The following CACNB2 variants were observed in gnomAD, a reference collection of about 807,000 sequenced individuals.
CACNB2 encodes the protein calcium voltage-gated channel auxiliary subunit beta 2.
A neutral mutation model predicts 73.3 loss-of-function variants in CACNB2; 42 were observed. The ratio of observed to expected loss-of-function variants is 0.57; its 90% CI spans 0.45 to 0.74. The LOEUF (loss-of-function observed/expected upper bound fraction) is 0.74, where lower values mean the gene tolerates loss of function less well. CACNB2 is among the 30% of genes least tolerant of loss of function. The probability of loss-of-function intolerance (pLI) is 0.00; values close to 1 mark genes in which losing one functional copy is unlikely to be tolerated. For missense variants in CACNB2, 940 were observed against 853.0 expected (o/e 1.10, Z -1.27); for synonymous variants, 348 against 310.3 (o/e 1.12, Z -1.28).
intron 3 of CACNB2, among the ~76,000 whole-genome samples, chr10:18,454,849 G>A (rs935807233): frequency 6.6e-6 from 1 of 152,068 alleles, no homozygotes; most frequent in African/African-American, 2.4e-5. Flanking sequence ...GGCCTGCCTG[G>A]GCAACATAGA....
chr10:18,467,971 GT>G (rs1003234311), intron 3 of CACNB2, among the ~76,000 whole-genome samples: 1 of 152,080 alleles, frequency 6.6e-6, no homozygotes, highest in African/African-American at 2.4e-5. Flanking sequence ...CCCAAAAAGT[GT>G]TTTTTTGTGA....
At chr10:18,243,514 T>C (rs1461160941) in intron 2 of CACNB2, among the ~76,000 whole-genome samples, 1 of 152,156 alleles carries the variant, frequency 6.6e-6, no homozygotes, top group African/African-American at 2.4e-5. Context: ...AAAACTCATG[T>C]TGAAATTTGA....
chr10:18,344,573 T>C (rs915897250), intron 2 of CACNB2, among the ~76,000 whole-genome samples: 1 of 152,046 alleles, frequency 6.6e-6, no homozygotes, highest in African/African-American at 2.4e-5. Flanking sequence ...GGTTTCACCA[T>C]GTTGGTCAGG....
rs942130254 is a variant in CACNB2 at position 18,261,331 on chromosome 10, G to T, written c.213+110356G>T. 3.2e-5 allele frequency: 49 copies of T among 1,551,596 alleles called. No homozygotes were observed. Among genetic ancestry groups the T allele is most frequent in the Non-Finnish European group, 4.3e-5 (49 of 1,146,972 alleles). ...CGGGTGTCCTATGTAAGTTTCTATTGCTGTAGAATTGCAGCTGGGAGCTGA... is the reference window on the plus strand; with the variant it reads ...CGGGTGTCCTATGTAAGTTTCTATTTCTGTAGAATTGCAGCTGGGAGCTGA... On this transcript the variant is annotated intron_variant, in intron 2 of 13. Coordinates refer to ENST00000324631, the MANE Select transcript of CACNB2 (RefSeq NM_201596.3).
At chr10:18,294,906 C>T (rs1238023547) in intron 2 of CACNB2, among the ~76,000 whole-genome samples, 1 of 152,176 alleles carries the variant, frequency 6.6e-6, no homozygotes, top group Non-Finnish European at 1.5e-5. Context: ...CATGTAGGAA[C>T]TTCGTAAGAA....
At chr10:18,222,755 G>A (rs1202928622) in intron 2 of CACNB2, among the ~76,000 whole-genome samples, 1 of 152,064 alleles carries the variant, frequency 6.6e-6, no homozygotes, top group Non-Finnish European at 1.5e-5. Context: ...TGGCCAACAT[G>A]GTAAAACCCT....
chr10:18,268,464 T>C (rs1185983484), intron 2 of CACNB2, among the ~76,000 whole-genome samples: 1 of 152,228 alleles, frequency 6.6e-6, no homozygotes, highest in African/African-American at 2.4e-5. Context: ...TAGATTTGTA[T>C]AGACTTACGT....
At chr10:18,145,176 T>C (rs1288311664) in intron 1 of CACNB2, among the ~76,000 whole-genome samples, 1 of 152,250 alleles carries the variant, frequency 6.6e-6, no homozygotes, top group Admixed American at 6.5e-5. Context: ...GTTGTGGTAA[T>C]ACAGCCTGGT....
chr10:18,497,495 C>G (rs1480677248), intron 3 of CACNB2, among the ~76,000 whole-genome samples: 1 of 152,122 alleles, frequency 6.6e-6, no homozygotes, highest in Non-Finnish European at 1.5e-5. Flanking sequence ...TCATGGCTCA[C>G]TGCAGCATAG....
At chr10:18,234,797 A>G (rs1468269072) in intron 2 of CACNB2, among the ~76,000 whole-genome samples, 3 of 152,174 alleles carry the variant, frequency 2.0e-5, no homozygotes, top group South Asian at 4.1e-4. Context: ...GATGGTGGTG[A>G]TGATTGCACT....
At position 18,386,319 on chromosome 10, in the gene CACNB2, A is replaced by G. The variant is rs567747571; in HGVS notation, c.214-15605A>G. ...GATGTATTAATATATGAAGGCATCAAACTTTTGTCAGCATATGATGACATA... is the reference window on the plus strand; with the variant it reads ...GATGTATTAATATATGAAGGCATCAGACTTTTGTCAGCATATGATGACATA... On this transcript the variant is annotated intron_variant, in intron 2 of 13. Transcript: ENST00000324631. Among the ~76,000 whole-genome samples, 87 of 152,112 alleles carry G rather than the reference A, an allele frequency of 5.7e-4. 1 individual carries two copies. The South Asian group carries it at 0.016, about 28-fold the overall frequency.
At position 18,279,848 on chromosome 10, in the gene CACNB2, G is replaced by A. The variant is rs11013308; in HGVS notation, c.214-122076G>A. Among the ~76,000 whole-genome samples the A allele has an allele frequency of 4.3e-3, 654 of 152,324 alleles. 9 individuals carry two copies. Among genetic ancestry groups the A allele is most frequent in the East Asian group, 0.017 (86 of 5,178 alleles). ...TAATCCCAGCACTTTGGGAGGCTGA[G>A]GTGGGCAGATCACTTGAGGTCTGGA... On this transcript the variant is annotated intron_variant, in intron 2 of 13. Transcript: ENST00000324631.
chr10:18,245,135 C>A (rs1280830952), intron 2 of CACNB2, among the ~76,000 whole-genome samples: 1 of 151,758 alleles, frequency 6.6e-6, no homozygotes, highest in Non-Finnish European at 1.5e-5. Context: ...GCCTGCAGAA[C>A]TGTGAGATAA....
intron 9 of CACNB2, among the ~76,000 whole-genome samples, chr10:18,525,656 GA>G (rs970374125): frequency 1.6e-4 from 25 of 151,974 alleles, no homozygotes; most frequent in Non-Finnish European, 8.8e-5. Context: ...TTTCAATTCA[GA>G]AAATCAGATC....
At chr10:18,357,787 A>C (rs1049514943) in intron 2 of CACNB2, among the ~76,000 whole-genome samples, 2 of 152,284 alleles carry the variant, frequency 1.3e-5, no homozygotes, top group African/African-American at 2.4e-5. Context: ...GTAAAATGCA[A>C]ACAGGTGTAT....
At chr10:18,492,620 C>CAAAAAAAA (rs371407084) in intron 3 of CACNB2, among the ~76,000 whole-genome samples, 7 of 89,970 alleles carry the variant, frequency 7.8e-5, no homozygotes, top group East Asian at 3.1e-4. Flanking sequence ...GACTCTGTCT[C>CAAAAAAAA]AAAAAAAAAA....
At chr10:18,356,356 A>G (rs1331465966) in intron 2 of CACNB2, among the ~76,000 whole-genome samples, 1 of 151,954 alleles carries the variant, frequency 6.6e-6, no homozygotes, top group Admixed American at 6.6e-5. Flanking sequence ...ATCACTGCTT[A>G]TTTTCCTCAC....
At position 18,529,709 on chromosome 10, in the gene CACNB2, C is replaced by T. The variant is rs117266229; in HGVS notation, c.1054+2012C>T. Among the ~76,000 whole-genome samples the T allele has an allele frequency of 6.7e-3, 1,023 of 152,270 alleles. 4 individuals are homozygous for T. The highest frequency in any genetic ancestry group is 0.012 in the Non-Finnish European group (810 of 68,026). The stretch of plus-strand genomic sequence containing the variant: ...TGGGAGATGACATGACAGAGAGAGG[C>T]AGGCATAAGACATGAAAAGGTTGGA... On this transcript the variant is annotated intron_variant, in intron 10 of 13. Coordinates refer to ENST00000324631, the MANE Select transcript of CACNB2 (RefSeq NM_201596.3).
At chr10:18,501,361 A>G (rs1564624025) in intron 5 of CACNB2, among the ~76,000 whole-genome samples, 1 of 152,226 alleles carries the variant, frequency 6.6e-6, no homozygotes. Context: ...AGGCAGTGGC[A>G]GCTCTTGTCA....
Sources: gnomAD v4.1 joint callset for allele counts (sites outside exome capture counted in the v4.1 genomes callset) on GRCh38, gnomAD v4.1.1 for gene constraint, MANE v1.5 for transcripts, NCBI Gene and HGNC (gene_info 2026-07-23, HGNC 2026-07-21) for gene names.